Variants in RFWD3 observed in about 807,000 individuals in gnomAD.
RFWD3 encodes E3 ubiquitin-protein ligase RFWD3.
Under a neutral mutation model 87.7 loss-of-function variants are expected in RFWD3, and 65 were observed. The observed-to-expected ratio is 0.74, with a 90% CI of 0.61 to 0.91. The LOEUF (loss-of-function observed/expected upper bound fraction) is 0.91, where lower values mean the gene tolerates loss of function less well. Among genes scored for constraint, RFWD3 ranks in the 40% least tolerant of loss-of-function variants. RFWD3 has a pLI of 0.00. For missense variants in RFWD3, 1,078 were observed against 938.5 expected, an observed-to-expected ratio of 1.15 and a Z score of -1.94; for synonymous variants, 433 against 352.8, an observed-to-expected ratio of 1.23 and a Z score of -2.55.
chr16:74,631,463 A>ACTTTCTCTCTCTCT (rs1555525200), intron 9 of RFWD3, among the ~76,000 whole-genome samples: 1 of 150,160 alleles, frequency 6.7e-6, no homozygotes, highest in Non-Finnish European at 1.5e-5. Flanking sequence ...ACAGAGTGAG[A>ACTTTCTCTCTCTCT]CTCTCTCTCT....
rs373797136 is a variant in RFWD3, at chr16:74,630,297, A to G, written c.1754+484T>C. Among the ~76,000 whole-genome samples, 4 of 152,196 alleles carry G rather than the reference A, an allele frequency of 2.6e-5. No individual in the cohort carries two copies. The East Asian group carries it at 7.7e-4, about 29-fold the overall frequency. On this transcript the variant is annotated intron_variant, in intron 10 of 12. Coordinates refer to ENST00000361070, the MANE Select transcript of RFWD3 (RefSeq NM_018124.4). Reference sequence around the variant, plus strand: ...GTATTTTCAGTAGAGACGGGGTTTTACCACGTTGGTCAGGCTGGTCTCGAA... The same window carrying G: ...GTATTTTCAGTAGAGACGGGGTTTTGCCACGTTGGTCAGGCTGGTCTCGAA...
intron 3 of RFWD3, among the ~76,000 whole-genome samples, chr16:74,650,062 C>T (rs1433392428): frequency 1.3e-5 from 2 of 152,308 alleles, no homozygotes; most frequent in Non-Finnish European, 2.9e-5. Flanking sequence ...AATATTATCT[C>T]TGTAGACTTG....
In RFWD3 at chr16:74,649,356, C is replaced by T. The variant is rs1960405542; in HGVS notation, c.722-154G>A. Reference sequence around the variant, plus strand: ...AAAAGGATGACAACTTCCCCAGGTACCATCAGTGAATTTATTTTTAAAAAT... The same window carrying T: ...AAAAGGATGACAACTTCCCCAGGTATCATCAGTGAATTTATTTTTAAAAAT... On this transcript the variant is annotated intron_variant, in intron 3 of 12. Coordinates refer to ENST00000361070, the MANE Select transcript of RFWD3 (RefSeq NM_018124.4). The T allele has an allele frequency of 5.1e-5, 26 of 511,152 alleles. 1 individual carries two copies. In the South Asian group the frequency reaches 5.8e-4, roughly 11 times the overall value. The allele number at this position is 511,152 out of a possible 1,614,324, so 31.7% of individuals were successfully genotyped here.
intron 3 of RFWD3, 72 bp downstream of exon 3, chr16:74,651,848 G>C: frequency 1.5e-6 from 2 of 1,368,430 alleles, no homozygotes; most frequent in South Asian, 2.5e-5. Flanking sequence ...CACAAATCTA[G>C]TTTCTAGCCT....
At position 74,628,593 on chromosome 16, in the gene RFWD3, CAG is replaced by C; in HGVS notation, c.1826_1827del (p.Ala609GlyfsTer48). The C allele has an allele frequency of 1.9e-6, 3 of 1,614,178 alleles. No individual in the cohort carries two copies. Among genetic ancestry groups the C allele is most frequent in the Non-Finnish European group, 2.5e-6 (3 of 1,180,036 alleles). ...CAGAATGAAGCATCCTCCAAGGTTC[CAG>C]CCAGCACCCCACCATATGGAAATGC... ...SAAFPYGGVL[A>X]GTLEDASFWE... On this transcript the variant is annotated frameshift_variant, in exon 11 of 13. Coordinates refer to ENST00000361070, the MANE Select transcript of RFWD3 (RefSeq NM_018124.4). LOFTEE classifies it high-confidence loss of function.
chr16:74,647,437 A>G (rs1960236858), intron 4 of RFWD3, among the ~76,000 whole-genome samples: 1 of 151,912 alleles, frequency 6.6e-6, no homozygotes, highest in Non-Finnish European at 1.5e-5. Flanking sequence ...ATAGGCACGC[A>G]CCACCATATC....
In RFWD3 at chr16:74,642,361, C is replaced by A. The variant is rs187224877; in HGVS notation, c.1079+2001G>T. On this transcript the variant is annotated intron_variant, in intron 6 of 12. Transcript: ENST00000361070. ...CTGGTCTCAAACTCCTGAGCTCAGGCGATCTGCCTGCCTCAGCCTCCCAGA... is the reference window on the plus strand; with the variant it reads ...CTGGTCTCAAACTCCTGAGCTCAGGAGATCTGCCTGCCTCAGCCTCCCAGA... Among the ~76,000 whole-genome samples the A allele has an allele frequency of 3.9e-4, 59 of 152,178 alleles. 2 individuals carry two copies. The highest frequency in any genetic ancestry group is 3.4e-3 in the Admixed American group (52 of 15,282).
intron 11 of RFWD3, among the ~76,000 whole-genome samples, chr16:74,627,596 A>G (rs765759290): frequency 1.3e-5 from 2 of 152,166 alleles, no homozygotes; most frequent in African/African-American, 2.4e-5. Flanking sequence ...CTTGTTTCCT[A>G]GTCAGGGCTC....
At chr16:74,666,020 T>G (rs1363975832) in intron 1 of RFWD3, among the ~76,000 whole-genome samples, 1 of 146,694 alleles carries the variant, frequency 6.8e-6, no homozygotes, top group Non-Finnish European at 1.5e-5. Context: ...TTTCTCTTTA[T>G]AACAGGAAAA....
At chr16:74,624,284 C>T (rs1022305595) in intron 12 of RFWD3, among the ~76,000 whole-genome samples, 5 of 152,206 alleles carry the variant, frequency 3.3e-5, no homozygotes, top group South Asian at 2.1e-4. Context: ...AATTAGTCTA[C>T]CTGTAAGTGG....
chr16:74,642,395 A>C (rs1959737470), intron 6 of RFWD3, among the ~76,000 whole-genome samples: 1 of 152,196 alleles, frequency 6.6e-6, no homozygotes, highest in Non-Finnish European at 1.5e-5. Flanking sequence ...GAGTGCTAGG[A>C]TTTCAGGTGT....
intron 12 of RFWD3, among the ~76,000 whole-genome samples, 163 bp downstream of exon 12, chr16:74,626,180 C>G (rs1201513345): frequency 6.6e-6 from 1 of 152,156 alleles, no homozygotes; most frequent in Non-Finnish European, 1.5e-5. Flanking sequence ...CTCATGGAAA[C>G]CAAGCAATCT....
Position 74,623,569 on chromosome 16 carries a change from T to G in RFWD3, c.*359A>C. 1 of 186,534 alleles carries G rather than the reference T, an allele frequency of 5.4e-6. No homozygotes were observed. The highest frequency in any genetic ancestry group is 1.1e-5 in the Non-Finnish European group (1 of 90,568). 11.6% of individuals were successfully genotyped at this position (186,534 alleles called of 1,614,324 possible). A position where few individuals can be genotyped will look rare whatever the true frequency, so the allele number is the denominator to read the frequency against. ...ATGGGATGTCATATTCCCCAGAAAA[T>G]GCTTGATGCCCACTCACATCCTAGA... On this transcript the variant is annotated 3_prime_UTR_variant, in exon 13 of 13. Coordinates refer to ENST00000361070, the MANE Select transcript of RFWD3 (RefSeq NM_018124.4).
intron 4 of RFWD3, among the ~76,000 whole-genome samples, chr16:74,648,127 A>C (rs1313604806): frequency 6.6e-6 from 1 of 152,056 alleles, no homozygotes; most frequent in African/African-American, 2.4e-5. Context: ...TTAATAATTT[A>C]TAAAGCACAT....
chr16:74,649,003 G>A, intron 4 of RFWD3, 129 bp downstream of exon 4: 1 of 487,020 alleles, frequency 2.1e-6, no homozygotes, highest in Non-Finnish European at 3.6e-6. Context: ...GATCCTTTGA[G>A]CCCAGGAGTT....
At chr16:74,640,917 C>T (rs916801196) in intron 6 of RFWD3, among the ~76,000 whole-genome samples, 13 of 151,942 alleles carry the variant, frequency 8.6e-5, no homozygotes, top group East Asian at 1.9e-4. Flanking sequence ...CCAGCCTGGG[C>T]GACAGAGCGA....
intron 2 of RFWD3, among the ~76,000 whole-genome samples, chr16:74,659,340 G>A (rs1961247932): frequency 6.6e-6 from 1 of 152,120 alleles, no homozygotes; most frequent in South Asian, 2.1e-4. Flanking sequence ...TTTACTTTGG[G>A]AGGGTCCCCA....
intron 1 of RFWD3, chr16:74,666,184 A>C (rs1484668603): frequency 1.7e-5 from 1 of 58,288 alleles, no homozygotes; most frequent in African/African-American, 5.7e-5. Flanking sequence ...TAGACAGATT[A>C]GATAGATAGA....
Position 74,661,291 on chromosome 16 carries a change from G to C in RFWD3, c.159C>G (p.Leu53=). Reference sequence around the variant, plus strand: ...TGATCACCTCAGCAGGAGCTGGCTGGAGGATGGATGGTACCCCCTGGCTGC... The same window carrying C: ...TGATCACCTCAGCAGGAGCTGGCTGCAGGATGGATGGTACCCCCTGGCTGC... The part of the protein sequence containing the change: ...VVSSQGVPSI[L]QPAPAEVISS... The change falls in exon 2 of 13, where the codon CTC becomes CTG. Residue 53 remains leucine, a synonymous_variant. Transcript: ENST00000361070. The C allele has an allele frequency of 6.2e-7, 1 of 1,613,986 alleles. No individual in the cohort carries two copies. Among genetic ancestry groups the C allele is most frequent in the South Asian group, 1.1e-5 (1 of 91,076 alleles).
Sources: gnomAD v4.1 joint callset for allele counts (sites outside exome capture counted in the v4.1 genomes callset) on GRCh38, gnomAD v4.1.1 for gene constraint, MANE v1.5 for transcripts, NCBI Gene and HGNC (gene_info 2026-07-23, HGNC 2026-07-21) for gene names.